The following EFEMP1 variants were observed in gnomAD, a reference collection of about 807,000 sequenced individuals.
EFEMP1 encodes the protein EGF-like fibulin extracellular matrix protein 1.
A neutral mutation model predicts 65.7 loss-of-function variants in EFEMP1; 18 were observed. That is an observed-to-expected ratio of 0.27 (90% CI 0.19 to 0.41). The LOEUF (loss-of-function observed/expected upper bound fraction) is 0.41, where lower values mean the gene tolerates loss of function less well. Among genes scored for constraint, EFEMP1 ranks in the 10% least tolerant of loss-of-function variants. EFEMP1 has a pLI of 1.00. For synonymous variants in EFEMP1, 237 were observed against 219.7 expected (o/e 1.08, Z -0.70); for missense variants, 469 against 624.8 (o/e 0.75, Z 2.66).
rs1290624724 is a variant in EFEMP1 at position 55,871,295 on chromosome 2, G to T, written c.1001-172C>A. Among the ~76,000 whole-genome samples the T allele has an allele frequency of 2.6e-5, 4 of 152,236 alleles. No individual in the cohort carries two copies. Among genetic ancestry groups the T allele is most frequent in the African/African-American group, 7.2e-5 (3 of 41,560 alleles). On this transcript the variant is annotated intron_variant, in intron 9 of 11. Transcript: ENST00000355426. This position sits in a 1 kb window ranked among gnomAD's most constrained non-coding sequence, Gnocchi z 4.2. Reference sequence around the variant, plus strand: ...TGTTCATTGTATTGAATTCAGGACAGACAGAGCTGAGACATTCTAGGCAGA... The same window carrying T: ...TGTTCATTGTATTGAATTCAGGACATACAGAGCTGAGACATTCTAGGCAGA...
rs973963349 is a variant in EFEMP1, at chr2:55,885,320, C to T, written c.518-3586G>A. On this transcript the variant is annotated intron_variant, in intron 5 of 11. Coordinates refer to ENST00000355426, the MANE Select transcript of EFEMP1 (RefSeq NM_001039348.3). The surrounding 1 kb of genome is among the most constrained non-coding windows in gnomAD (Gnocchi z 4.3). The stretch of plus-strand genomic sequence containing the variant: ...AGACAGATGGCGTCAGCACAGCTGC[C>T]GGGGCTCTGTGTGAGGAGCCTGGTG... 3.9e-5 allele frequency among the ~76,000 whole-genome samples: 6 copies of T among 152,152 alleles called. No individual in the cohort carries two copies. The highest frequency in any genetic ancestry group is 5.9e-5 in the Non-Finnish European group (4 of 68,030).
intron 5 of EFEMP1, among the ~76,000 whole-genome samples, chr2:55,901,120 A>G (rs561465601): frequency 3.2e-4 from 48 of 152,340 alleles, no homozygotes; most frequent in African/African-American, 1.1e-3. Context: ...TGGGAAGAAA[A>G]ATGTGAACAG....
chr2:55,905,027 A>G (rs540069789), intron 5 of EFEMP1, among the ~76,000 whole-genome samples: 27 of 140,704 alleles, frequency 1.9e-4, no homozygotes, highest in Admixed American at 3.7e-4. Flanking sequence ...TGGCATAACA[A>G]TAATATATTA....
At chr2:55,868,914 G>A (rs1369189102) in intron 11 of EFEMP1, among the ~76,000 whole-genome samples, 1 of 152,088 alleles carries the variant, frequency 6.6e-6, no homozygotes, top group Non-Finnish European at 1.5e-5. Context: ...AATTTTAGTG[G>A]AGAAACTCTG....
At chr2:55,899,553 T>C (rs1180556375) in intron 5 of EFEMP1, among the ~76,000 whole-genome samples, 1 of 152,212 alleles carries the variant, frequency 6.6e-6, no homozygotes, top group Admixed American at 6.5e-5. Flanking sequence ...AGTACTTAAA[T>C]CTACCTGGCT....
chr2:55,907,533 A>G (rs942302925), intron 5 of EFEMP1, among the ~76,000 whole-genome samples: 4 of 152,260 alleles, frequency 2.6e-5, no homozygotes, highest in Non-Finnish European at 4.4e-5. Context: ...ATTCTGGTAT[A>G]TTAGAAAATA....
At chr2:55,900,348 A>T (rs939897782) in intron 5 of EFEMP1, among the ~76,000 whole-genome samples, 4 of 140,288 alleles carry the variant, frequency 2.9e-5, no homozygotes. Flanking sequence ...TTCTTCGTGG[A>T]CTAGACCAGC....
chr2:55,892,842 A>C (rs1268591339), intron 5 of EFEMP1, among the ~76,000 whole-genome samples: 1 of 152,144 alleles, frequency 6.6e-6, no homozygotes, highest in East Asian at 1.9e-4. Context: ...GGATGAAAAA[A>C]ACCAAACTCT....
intron 6 of EFEMP1, among the ~76,000 whole-genome samples, chr2:55,879,555 G>A (rs1272226517): frequency 6.6e-6 from 1 of 152,136 alleles, no homozygotes; most frequent in Non-Finnish European, 1.5e-5. Flanking sequence ...CTTATTTGCT[G>A]GTACTGTGTT....
chr2:55,871,184 C>A lies in EFEMP1; in HGVS notation c.1001-61G>T. On this transcript the variant is annotated intron_variant, in intron 9 of 11. Transcript: ENST00000355426. The surrounding 1 kb of genome is among the most constrained non-coding windows in gnomAD (Gnocchi z 4.2). ...AACTAATGAACTGATCTAATTAAAT[C>A]ATATAACTGGCAGATTCTGTTTGCA... 1.2e-6 allele frequency: 2 copies of A among 1,608,172 alleles called. No homozygotes were observed. The highest frequency in any genetic ancestry group is 2.2e-5 in the South Asian group (2 of 90,948).
rs1010527106 is a variant in EFEMP1, at chr2:55,870,601, A to C, written c.1320+119T>G. On this transcript the variant is annotated intron_variant, in intron 11 of 11. Transcript: ENST00000355426. This position sits in a 1 kb window ranked among gnomAD's most constrained non-coding sequence, Gnocchi z 5.8. ...AGGCCTTACACAATGCCTACACATA[A>C]GACACTTTAAATGTTTGCTTTCCTT... The C allele has an allele frequency of 8.0e-7, 1 of 1,256,916 alleles. No homozygotes were observed. Among genetic ancestry groups the C allele is most frequent in the Non-Finnish European group, 1.1e-6 (1 of 874,072 alleles). 77.9% of individuals were successfully genotyped at this position (1,256,916 alleles called of 1,614,324 possible).
chr2:55,889,962 A>G (rs2104406170), intron 5 of EFEMP1, among the ~76,000 whole-genome samples: 1 of 152,266 alleles, frequency 6.6e-6, no homozygotes, highest in Non-Finnish European at 1.5e-5. Context: ...ATAGAATGGT[A>G]GGTAGTTTTA....
chr2:55,923,679 G>T lies in EFEMP1; in HGVS notation c.-49+32C>A, dbSNP rs1403254027. 2 of 985,732 alleles carry T rather than the reference G, an allele frequency of 2.0e-6. No individual in the cohort carries two copies. Among genetic ancestry groups the T allele is most frequent in the Non-Finnish European group, 1.2e-6 (1 of 830,298 alleles). The allele number at this position is 985,732 out of a possible 1,614,324, so 61.1% of individuals were successfully genotyped here. ...GCGCGGCCCAGTGAGTACTGGGCTCGCTCGGGGCGACCCCCCGTTGGGGGC... is the reference window on the plus strand; with the variant it reads ...GCGCGGCCCAGTGAGTACTGGGCTCTCTCGGGGCGACCCCCCGTTGGGGGC... On this transcript the variant is annotated intron_variant, in intron 1 of 11. Coordinates refer to ENST00000355426, the MANE Select transcript of EFEMP1 (RefSeq NM_001039348.3). The surrounding 1 kb of genome is among the most constrained non-coding windows in gnomAD (Gnocchi z 5.3).
At position 55,901,766 on chromosome 2, in the gene EFEMP1, C is replaced by T. The variant is rs193028985; in HGVS notation, c.517+15899G>A. 4.9e-3 allele frequency among the ~76,000 whole-genome samples: 747 copies of T among 152,252 alleles called. 5 individuals are homozygous for T. Among genetic ancestry groups the T allele is most frequent in the African/African-American group, 0.017 (711 of 41,526 alleles). ...ATTCACACCAGGGGCTTGTTTCCAA[C>T]GAACAGTATATGGCAAAATTGATGG... On this transcript the variant is annotated intron_variant, in intron 5 of 11. Coordinates refer to ENST00000355426, the MANE Select transcript of EFEMP1 (RefSeq NM_001039348.3).
At position 55,872,352 on chromosome 2, in the gene EFEMP1, C is replaced by T. The variant is rs572845203; in HGVS notation, c.1001-1229G>A. 4.6e-5 allele frequency among the ~76,000 whole-genome samples: 7 copies of T among 152,192 alleles called. No homozygotes were observed. In the South Asian group the frequency reaches 1.5e-3, roughly 32 times the overall value. The stretch of plus-strand genomic sequence containing the variant: ...AGGGCCTTTATTGCTTTCTGCTTTG[C>T]ATTATTGCAATCTGCATGTCTAGCT... On this transcript the variant is annotated intron_variant, in intron 9 of 11. Transcript: ENST00000355426.
At chr2:55,916,274 G>A (rs1670682996) in intron 5 of EFEMP1, among the ~76,000 whole-genome samples, 2 of 151,972 alleles carry the variant, frequency 1.3e-5, no homozygotes, top group Admixed American at 6.6e-5. Flanking sequence ...CATTCATAGA[G>A]AATTTTTGTA....
In EFEMP1 at chr2:55,870,643, CACAACA is replaced by C. The variant is rs202135588; in HGVS notation, c.1320+71_1320+76del. 5,375 of 1,547,316 alleles carry C rather than the reference CACAACA, an allele frequency of 3.5e-3. 20 individuals carry two copies. The highest frequency in any genetic ancestry group is 4.2e-3 in the African/African-American group (309 of 72,864). ...GCTTTCCTTCCACATGTGGATACCA[CACAACA>C]ACAACAACAACAACAACAACAACAA... is the stretch of plus-strand genomic sequence containing the variant. On this transcript the variant is annotated intron_variant, in intron 11 of 11. Transcript: ENST00000355426. This position sits in a 1 kb window ranked among gnomAD's most constrained non-coding sequence, Gnocchi z 5.8.
chr2:55,876,245 C>A (rs1378786141), intron 8 of EFEMP1, among the ~76,000 whole-genome samples: 1 of 152,014 alleles, frequency 6.6e-6, no homozygotes, highest in African/African-American at 2.4e-5. Context: ...GCACACCAGT[C>A]ACCTGCAGTT....
intron 5 of EFEMP1, among the ~76,000 whole-genome samples, chr2:55,900,956 C>A (rs7596872): frequency 0.096 from 14,658 of 152,194 alleles, 871 homozygotes; most frequent in African/African-American, 0.15. Context: ...GATTTTGTTG[C>A]TTCTGAAGTT....
Sources: allele counts gnomAD v4.1 joint callset (sites outside exome capture counted in the v4.1 genomes callset), GRCh38; gene constraint gnomAD v4.1.1; non-coding constraint Gnocchi (gnomAD v3.1); transcripts MANE v1.5; gene names NCBI Gene and HGNC (gene_info 2026-07-23, HGNC 2026-07-21).